Variants in KIRREL3 observed in about 807,000 individuals in gnomAD.
KIRREL3 encodes kirre like nephrin family adhesion molecule 3, also known as kin of IRRE-like protein 3.
Under a neutral mutation model 89.7 loss-of-function variants are expected in KIRREL3, and 36 were observed. The observed-to-expected ratio is 0.40, with a 90% confidence interval of 0.31 to 0.53. The LOEUF is 0.53. Among genes scored for constraint, KIRREL3 ranks in the 20% least tolerant of loss-of-function variants. KIRREL3 has a pLI of 0.49. For synonymous variants in KIRREL3, 445 were observed against 441.4 expected (o/e 1.01, Z -0.10); for missense variants, 864 against 1,056.6 (o/e 0.82, Z 2.53).
Position 126,658,635 on chromosome 11 carries a change from G to C in KIRREL3, c.56-95723C>G, listed in dbSNP as rs370303082. ...CTGGATATACTTTAATTACTGACTCGGAGAGCTTTCCTGAATGGGATCTGC... is the reference window on the plus strand; with the variant it reads ...CTGGATATACTTTAATTACTGACTCCGAGAGCTTTCCTGAATGGGATCTGC... On this transcript the variant is annotated intron_variant, in intron 1 of 16. Coordinates refer to ENST00000525144, the MANE Select transcript of KIRREL3 (RefSeq NM_032531.4). Among the ~76,000 whole-genome samples, 4 of 152,230 alleles carry C rather than the reference G, an allele frequency of 2.6e-5. No homozygotes were observed. In the South Asian group the frequency reaches 8.3e-4, roughly 32 times the overall value.
At chr11:126,511,649 C>T (rs1410608723) in intron 4 of KIRREL3, among the ~76,000 whole-genome samples, 1 of 152,224 alleles carries the variant, frequency 6.6e-6, no homozygotes, top group African/African-American at 2.4e-5. Context: ...CTCTCTTTCT[C>T]TCCAGGCTTG....
Position 126,909,430 on chromosome 11 carries a change from T to C in KIRREL3, c.55+91025A>G, listed in dbSNP as rs1449078448. On this transcript the variant is annotated intron_variant, in intron 1 of 16. Coordinates refer to ENST00000525144, the MANE Select transcript of KIRREL3 (RefSeq NM_032531.4). This position sits in a 1 kb window ranked among gnomAD's most constrained non-coding sequence, Gnocchi z 4.5. Reference sequence around the variant, plus strand: ...CAGGCACGGTGCCCAGCTCCCAGCATACCCACAGAGTGAGAGCCATGCCTA... The same window carrying C: ...CAGGCACGGTGCCCAGCTCCCAGCACACCCACAGAGTGAGAGCCATGCCTA... 2.0e-5 allele frequency among the ~76,000 whole-genome samples: 3 copies of C among 152,222 alleles called. No individual in the cohort carries two copies. Among genetic ancestry groups the C allele is most frequent in the Non-Finnish European group, 4.4e-5 (3 of 68,036 alleles).
rs558827336 is a variant in KIRREL3, at chr11:126,482,621, C to T, written c.434-9155G>A. Among the ~76,000 whole-genome samples the T allele has an allele frequency of 1.1e-4, 16 of 152,332 alleles. No homozygotes were observed. In the South Asian group the frequency reaches 2.7e-3, roughly 26 times the overall value. The stretch of plus-strand genomic sequence containing the variant: ...AGACTGGGCTCATTCCTTTGAAAGG[C>T]GATAGACGGGCAGGGGAGCTGGGAC... On this transcript the variant is annotated intron_variant, in intron 4 of 16. Transcript: ENST00000525144.
intron 1 of KIRREL3, among the ~76,000 whole-genome samples, chr11:126,589,157 C>T (rs554861469): frequency 7.2e-4 from 110 of 152,326 alleles, no homozygotes; most frequent in African/African-American, 2.4e-3. Context: ...CTGCCTCCTG[C>T]GGCTCTGGCT....
chr11:126,706,181 T>C (rs937424948), intron 1 of KIRREL3, among the ~76,000 whole-genome samples: 41 of 152,204 alleles, frequency 2.7e-4, no homozygotes, highest in Admixed American at 1.3e-4. Flanking sequence ...AGTTAGTACA[T>C]GGTGGGTTTT....
rs1005819296 is a variant in KIRREL3 at position 126,931,529 on chromosome 11, T to C, written c.55+68926A>G. On this transcript the variant is annotated intron_variant, in intron 1 of 16. Coordinates refer to ENST00000525144, the MANE Select transcript of KIRREL3 (RefSeq NM_032531.4). The surrounding 1 kb of genome is among the most constrained non-coding windows in gnomAD (Gnocchi z 5.1). ...TTTGAGACAATCTTAAATACGTTCT[T>C]CTGAAGGCTCCCTTAAGTAAGCCCT... Among the ~76,000 whole-genome samples, 2 of 152,236 alleles carry C rather than the reference T, an allele frequency of 1.3e-5. No individual in the cohort carries two copies. The highest frequency in any genetic ancestry group is 4.8e-5 in the African/African-American group (2 of 41,464).
intron 1 of KIRREL3, among the ~76,000 whole-genome samples, chr11:126,865,064 G>T (rs185823543): frequency 4.7e-4 from 72 of 152,278 alleles, no homozygotes; most frequent in African/African-American, 1.7e-3. Flanking sequence ...GGAATTATGT[G>T]ACTTGCCTCC....
At position 126,871,483 on chromosome 11, in the gene KIRREL3, G is replaced by T. The variant is rs530393018; in HGVS notation, c.55+128972C>A. Among the ~76,000 whole-genome samples the T allele has an allele frequency of 5.3e-5, 8 of 152,262 alleles. No individual in the cohort carries two copies. In the South Asian group the frequency reaches 1.7e-3, roughly 32 times the overall value. On this transcript the variant is annotated intron_variant, in intron 1 of 16. Transcript: ENST00000525144. ...CTTCACAGAGTTTGAAAAACCACAA[G>T]AAAGAAAGGAAGAAAAACTTTTATC... is the stretch of plus-strand genomic sequence containing the variant.
rs759534968 is a variant in KIRREL3 at position 126,788,744 on chromosome 11, G to A, written c.55+211711C>T. Among the ~76,000 whole-genome samples the A allele has an allele frequency of 3.3e-4, 50 of 152,176 alleles. No homozygotes were observed. Among genetic ancestry groups the A allele is most frequent in the Admixed American group, 4.6e-4 (7 of 15,282 alleles). On this transcript the variant is annotated intron_variant, in intron 1 of 16. Transcript: ENST00000525144. The surrounding 1 kb of genome is among the most constrained non-coding windows in gnomAD (Gnocchi z 4.1). ...AACTGATTGTTTTGATCTGGAAGCC[G>A]TCAGAGTTCAATCTGGAGTCATCCA...
intron 1 of KIRREL3, among the ~76,000 whole-genome samples, chr11:126,858,811 T>C (rs1847172975): frequency 6.6e-6 from 1 of 152,196 alleles, no homozygotes; most frequent in African/African-American, 2.4e-5. Context: ...ATCTCAGTCA[T>C]AGTGCTATTT....
intron 1 of KIRREL3, among the ~76,000 whole-genome samples, chr11:126,629,959 A>G (rs1440644792): frequency 3.3e-5 from 5 of 152,030 alleles, no homozygotes; most frequent in African/African-American, 9.7e-5. Flanking sequence ...AGATTCCCCA[A>G]TTTCTGTGTA....
rs1385216099 is a variant in KIRREL3 at position 127,000,357 on chromosome 11, C to A, written c.55+98G>T. Reference sequence around the variant, plus strand: ...GGCACCGAGAGACGCATCCATCAGTCCGAGTTCCCGAAGCCTGCCCACGTT... The same window carrying A: ...GGCACCGAGAGACGCATCCATCAGTACGAGTTCCCGAAGCCTGCCCACGTT... On this transcript the variant is annotated intron_variant, in intron 1 of 16. Transcript: ENST00000525144. This position sits in a 1 kb window ranked among gnomAD's most constrained non-coding sequence, Gnocchi z 7.1. 2 of 965,724 alleles carry A rather than the reference C, an allele frequency of 2.1e-6. No individual in the cohort carries two copies. The highest frequency in any genetic ancestry group is 1.6e-5 in the South Asian group (1 of 61,122). The allele number at this position is 965,724 out of a possible 1,614,324, so 59.8% of individuals were successfully genotyped here.
At chr11:126,798,599 T>G (rs1192705795) in intron 1 of KIRREL3, among the ~76,000 whole-genome samples, 2 of 152,178 alleles carry the variant, frequency 1.3e-5, no homozygotes, top group Non-Finnish European at 2.9e-5. Flanking sequence ...GTGGGGAGTG[T>G]GGGGGAACCC....
At chr11:126,672,516 A>G (rs1391990465) in intron 1 of KIRREL3, among the ~76,000 whole-genome samples, 1 of 152,246 alleles carries the variant, frequency 6.6e-6, no homozygotes, top group African/African-American at 2.4e-5. Flanking sequence ...ACACTTGAAA[A>G]GGCAAAACTA....
intron 1 of KIRREL3, among the ~76,000 whole-genome samples, chr11:126,582,271 C>T (rs1005412327): frequency 1.6e-4 from 24 of 152,208 alleles, no homozygotes; most frequent in Non-Finnish European, 3.4e-4. Context: ...AGGACCAGCT[C>T]CTGCCATTGT....
intron 1 of KIRREL3, among the ~76,000 whole-genome samples, chr11:126,728,163 T>A (rs1196549652): frequency 6.6e-6 from 1 of 151,978 alleles, no homozygotes; most frequent in Non-Finnish European, 1.5e-5. Flanking sequence ...CTGTCACAGC[T>A]GTGGTGGCTG....
chr11:126,524,902 T>A (rs1229506086), intron 3 of KIRREL3, among the ~76,000 whole-genome samples: 1 of 152,170 alleles, frequency 6.6e-6, no homozygotes, highest in African/African-American at 2.4e-5. Context: ...ATGATTGCCA[T>A]GATGCTATTT....
Position 126,501,489 on chromosome 11 carries a change from G to T in KIRREL3, c.433+19826C>A, listed in dbSNP as rs1957861884. On this transcript the variant is annotated intron_variant, in intron 4 of 16. Transcript: ENST00000525144. The surrounding 1 kb of genome is among the most constrained non-coding windows in gnomAD (Gnocchi z 5.8). ...GCAGATTCTACCGCAGCCCGTCCTGGGTCCTGTTGATGTGCTACACATTGC... is the reference window on the plus strand; with the variant it reads ...GCAGATTCTACCGCAGCCCGTCCTGTGTCCTGTTGATGTGCTACACATTGC... Among the ~76,000 whole-genome samples, 1 of 152,092 alleles carries T rather than the reference G, an allele frequency of 6.6e-6. No individual in the cohort carries two copies. The highest frequency in any genetic ancestry group is 1.5e-5 in the Non-Finnish European group (1 of 68,012).
At chr11:126,700,922 A>G (rs1002595461) in intron 1 of KIRREL3, among the ~76,000 whole-genome samples, 1 of 152,156 alleles carries the variant, frequency 6.6e-6, no homozygotes. Flanking sequence ...TCAGAAACTT[A>G]TATCCGGCCA....
Sources: allele counts gnomAD v4.1 joint callset (sites outside exome capture counted in the v4.1 genomes callset), GRCh38; gene constraint gnomAD v4.1.1; non-coding constraint Gnocchi (gnomAD v3.1); transcripts MANE v1.5; gene names NCBI Gene and HGNC (gene_info 2026-07-23, HGNC 2026-07-21).